The following SP100 variants were observed in gnomAD, a reference collection of about 807,000 sequenced individuals.
SP100 encodes SP100 nuclear body protein.
In SP100, 84 loss-of-function variants were observed where a neutral mutation model predicts 130.0. That is an observed-to-expected ratio of 0.65 (90% CI 0.54 to 0.77). The LOEUF is 0.77. Ranked by LOEUF, SP100 falls within the 30% of genes least tolerant of loss-of-function variation. The pLI, the probability that SP100 is intolerant of heterozygous loss-of-function variation, is 0.00. For missense variants in SP100, 978 were observed against 1,052.2 expected (o/e 0.93, Z 0.97); for synonymous variants, 331 against 351.7 (o/e 0.94, Z 0.66).
chr2:230,523,982 T>C (rs961521116), intron 24 of SP100, among the ~76,000 whole-genome samples: 8 of 151,548 alleles, frequency 5.3e-5, no homozygotes, highest in Admixed American at 2.6e-4. Context: ...CTGTCTGGAT[T>C]TTATATTTGT....
intron 24 of SP100, among the ~76,000 whole-genome samples, chr2:230,520,400 C>T (rs1156312823): frequency 2.0e-5 from 3 of 152,198 alleles, no homozygotes; most frequent in Admixed American, 6.5e-5. Context: ...AAATAATTCA[C>T]AGAGCTCCTA....
chr2:230,507,936 A>T, intron 22 of SP100, 57 bp from the exon 23 acceptor site: 1 of 1,519,568 alleles, frequency 6.6e-7, no homozygotes, highest in Non-Finnish European at 9.1e-7. Context: ...CAGAAATACT[A>T]AGCTCACAAA....
intron 1 of SP100, 121 bp downstream of exon 1, chr2:230,416,449 C>G (rs140575187): frequency 1.4e-5 from 11 of 811,272 alleles, no homozygotes; most frequent in Non-Finnish European, 2.2e-5. Flanking sequence ...CATAGGTATG[C>G]GATGTTATAT....
intron 2 of SP100, among the ~76,000 whole-genome samples, chr2:230,441,664 C>T (rs1024652401): frequency 1.3e-5 from 2 of 150,734 alleles, no homozygotes; most frequent in African/African-American, 2.5e-5. Context: ...AATCCAGTAG[C>T]GGGCAGTATT....
intron 17 of SP100, among the ~76,000 whole-genome samples, chr2:230,476,395 GA>G (rs1269052345): frequency 1.6e-4 from 24 of 152,110 alleles, no homozygotes; most frequent in Non-Finnish European, 3.2e-4. Context: ...TTTGTATTCT[GA>G]AACTTTACTA....
intron 19 of SP100, among the ~76,000 whole-genome samples, chr2:230,499,130 G>A (rs1379393964): frequency 3.9e-5 from 6 of 152,090 alleles, no homozygotes; most frequent in Admixed American, 3.9e-4. Context: ...GTCACTGGCT[G>A]GAAGGGTTGG....
At chr2:230,511,360 T>C (rs545489356) in intron 24 of SP100, among the ~76,000 whole-genome samples, 194 bp downstream of exon 24, 1 of 152,148 alleles carries the variant, frequency 6.6e-6, no homozygotes, top group Non-Finnish European at 1.5e-5. Flanking sequence ...TTTGTTTCAG[T>C]AGAAATCTTC....
At position 230,418,997 on chromosome 2, in the gene SP100, G is replaced by A. The variant is rs990949114; in HGVS notation, c.107+1332G>A. On this transcript the variant is annotated intron_variant, in intron 2 of 28. Coordinates refer to ENST00000340126, the MANE Select transcript of SP100 (RefSeq NM_001080391.2). The stretch of plus-strand genomic sequence containing the variant: ...ATCTATAAATCAATTTGAAGAGAAT[G>A]GACATCTTTACATTCACGAGACTTC... Among the ~76,000 whole-genome samples the A allele has an allele frequency of 4.8e-4, 73 of 152,188 alleles. 1 individual carries two copies. Among genetic ancestry groups the A allele is most frequent in the African/African-American group, 1.2e-3 (50 of 41,504 alleles).
intron 2 of SP100, chr2:230,440,661 T>C: frequency 2.7e-6 from 3 of 1,113,218 alleles, no homozygotes; most frequent in African/African-American, 3.3e-5. Context: ...CAAAAAAAAG[T>C]CCTAAAGTTT....
intron 11 of SP100, 65 bp from the exon 12 acceptor site, chr2:230,466,236 C>A: frequency 2.5e-6 from 2 of 799,934 alleles, no homozygotes; most frequent in South Asian, 1.6e-5. Flanking sequence ...TTTGCCATGT[C>A]AGTTGTCATA....
intron 17 of SP100, among the ~76,000 whole-genome samples, chr2:230,479,867 G>A (rs772451644): frequency 2.6e-5 from 4 of 152,172 alleles, no homozygotes; most frequent in Admixed American, 6.5e-5. Flanking sequence ...ACAGGATAAG[G>A]CAGTGTGCTC....
chr2:230,469,907 TC>T, intron 14 of SP100, 107 bp from the exon 15 acceptor site: 1 of 1,502,514 alleles, frequency 6.7e-7, no homozygotes, highest in Non-Finnish European at 8.9e-7. Flanking sequence ...GGACTATTTC[TC>T]CCCCTCCTCC....
chr2:230,436,941 C>T (rs13402132), intron 2 of SP100, among the ~76,000 whole-genome samples: 1,400 of 124,468 alleles, frequency 0.011, 17 homozygotes, highest in African/African-American at 0.043. Flanking sequence ...TATACACACA[C>T]GCATATATGT....
chr2:230,466,994 A>G, intron 12 of SP100, 126 bp from the exon 13 acceptor site: 1 of 669,188 alleles, frequency 1.5e-6, no homozygotes, highest in Non-Finnish European at 2.7e-6. Context: ...TGAGGCACGG[A>G]CATTCTTGCC....
intron 17 of SP100, among the ~76,000 whole-genome samples, chr2:230,483,962 A>G (rs542103797): frequency 6.6e-6 from 1 of 152,316 alleles, no homozygotes; most frequent in East Asian, 1.9e-4. Flanking sequence ...ACATTGATTT[A>G]TTACTATTGA....
intron 24 of SP100, among the ~76,000 whole-genome samples, chr2:230,518,584 G>A (rs938689548): frequency 6.6e-6 from 1 of 151,612 alleles, no homozygotes; most frequent in Non-Finnish European, 1.5e-5. Context: ...ATTTAATTTA[G>A]CAAAACTTTA....
intron 8 of SP100, among the ~76,000 whole-genome samples, chr2:230,455,019 T>A (rs1190251900): frequency 3.3e-5 from 5 of 152,184 alleles, no homozygotes; most frequent in Admixed American, 3.3e-4. Flanking sequence ...GACTCCTTCA[T>A]CATTACATAA....
At chr2:230,475,838 G>A (rs1347413450) in intron 17 of SP100, among the ~76,000 whole-genome samples, 2 of 152,168 alleles carry the variant, frequency 1.3e-5, no homozygotes, top group Non-Finnish European at 2.9e-5. Context: ...TTGAAGATCA[G>A]ATGGTTGTAA....
intron 17 of SP100, among the ~76,000 whole-genome samples, chr2:230,479,112 T>A (rs1048600645): frequency 6.6e-6 from 1 of 152,210 alleles, no homozygotes; most frequent in Admixed American, 6.5e-5. Flanking sequence ...CGAGCCACCG[T>A]GCCCGGCCTA....
Sources: allele counts gnomAD v4.1 joint callset (sites outside exome capture counted in the v4.1 genomes callset), GRCh38; gene constraint gnomAD v4.1.1; transcripts MANE v1.5; gene names NCBI Gene and HGNC (gene_info 2026-07-23, HGNC 2026-07-21).